NCEH1: variants seen among roughly 807,000 people sequenced by gnomAD.
NCEH1 encodes neutral cholesterol ester hydrolase 1, also known as 2-acetyl MAGE hydrolase.
In NCEH1, 9 loss-of-function variants were observed where a neutral mutation model predicts 25.4. That is an observed-to-expected ratio of 0.35 (90% CI 0.21 to 0.62). The LOEUF (loss-of-function observed/expected upper bound fraction) is 0.62, where lower values mean the gene tolerates loss of function less well. Among genes scored for constraint, NCEH1 ranks in the 20% least tolerant of loss-of-function variants. NCEH1 has a pLI of 0.72. For missense variants in NCEH1, 412 were observed against 501.1 expected (o/e 0.82, Z 1.70); for synonymous variants, 200 against 199.8 (o/e 1.00, Z -0.01).
intron 1 of NCEH1, among the ~76,000 whole-genome samples, chr3:172,705,459 T>C (rs1713919986): frequency 6.6e-6 from 1 of 152,008 alleles, no homozygotes; most frequent in Non-Finnish European, 1.5e-5. Context: ...AGGCCCTGAG[T>C]TTTGGGTTAA....
chr3:172,670,903 G>A (rs1711573874), intron 1 of NCEH1, among the ~76,000 whole-genome samples: 1 of 151,898 alleles, frequency 6.6e-6, no homozygotes, highest in South Asian at 2.1e-4. Flanking sequence ...CATTATCTTT[G>A]CTCTCCTAGA....
chr3:172,654,474 T>G, intron 1 of NCEH1, among the ~76,000 whole-genome samples: 1 of 152,242 alleles, frequency 6.6e-6, no homozygotes, highest in East Asian at 1.9e-4. Flanking sequence ...CCAATGTTTC[T>G]AGGGAAGCTG....
chr3:172,689,251 CTTT>C (rs34888694), intron 1 of NCEH1, among the ~76,000 whole-genome samples: 6 of 80,936 alleles, frequency 7.4e-5, no homozygotes, highest in Admixed American at 1.5e-4. Flanking sequence ...CTTGGAGTAA[CTTT>C]TTTTTTTTTT....
At chr3:172,680,899 C>T (rs1665096121) in intron 1 of NCEH1, 1 of 151,894 alleles carries the variant, frequency 6.6e-6, no homozygotes, top group South Asian at 2.1e-4. Flanking sequence ...TGAGAGCCTG[C>T]CTAGCTTGGT....
At chr3:172,678,972 C>T (rs1200117964) in intron 1 of NCEH1, among the ~76,000 whole-genome samples, 2 of 152,168 alleles carry the variant, frequency 1.3e-5, no homozygotes, top group African/African-American at 4.8e-5. Context: ...AAGAGTACAC[C>T]GAACAAAGGA....
intron 1 of NCEH1, among the ~76,000 whole-genome samples, chr3:172,654,900 T>C (rs750846343): frequency 6.6e-6 from 1 of 152,234 alleles, no homozygotes; most frequent in African/African-American, 2.4e-5. Context: ...TATAATCTCA[T>C]GGAACATTTA....
intron 1 of NCEH1, among the ~76,000 whole-genome samples, chr3:172,663,056 G>A (rs1031006338): frequency 3.3e-5 from 5 of 151,804 alleles, no homozygotes; most frequent in African/African-American, 7.3e-5. Flanking sequence ...GTGATGTTAG[G>A]GTGTCAATTT....
rs143702838 is a variant in NCEH1 at position 172,654,431 on chromosome 3, T to C, written c.139-6317A>G. 3.3e-5 allele frequency among the ~76,000 whole-genome samples: 5 copies of C among 152,324 alleles called. 1 individual carries two copies. Among genetic ancestry groups the C allele is most frequent in the East Asian group, 3.9e-4 (2 of 5,190 alleles). ...ATTACACCTCTGCTCCAGAAGATCA[T>C]TGCGTAAAAAAGTGAGCCCAGCGAC... On this transcript the variant is annotated intron_variant, in intron 1 of 4. Transcript: ENST00000475381.
At chr3:172,637,503 A>C (rs928788065) in intron 3 of NCEH1, among the ~76,000 whole-genome samples, 20 of 152,198 alleles carry the variant, frequency 1.3e-4, no homozygotes, top group African/African-American at 4.8e-4. Context: ...CTGTAATCCC[A>C]GCACTTTGGG....
chr3:172,692,838 T>C (rs1458350084), intron 1 of NCEH1, among the ~76,000 whole-genome samples: 1 of 152,226 alleles, frequency 6.6e-6, no homozygotes, highest in Non-Finnish European at 1.5e-5. Context: ...GGTTCAGTCA[T>C]GTAAAGATTT....
At position 172,635,982 on chromosome 3, in the gene NCEH1, A is replaced by T; in HGVS notation, c.543T>A (p.Asp181Glu). 3 of 1,614,228 alleles carry T rather than the reference A, an allele frequency of 1.9e-6. No individual in the cohort carries two copies. The highest frequency in any genetic ancestry group is 2.5e-6 in the Non-Finnish European group (3 of 1,180,034). Residue 181 changes from aspartate to glutamate, a missense_variant, in exon 4 of 5, where the codon GAT (aspartate) becomes GAA (glutamate). Coordinates refer to ENST00000475381, the MANE Select transcript of NCEH1 (RefSeq NM_020792.6). Reference protein sequence around the residue: ...KPEVLQKYMVDPGRICISGDS... With the variant: ...KPEVLQKYMVEPGRICISGDS... ...CACCAGAAATGCAAATTCTGCCTGG[A>T]TCAACCATATACTTCTGTAAGACTT...
intron 1 of NCEH1, among the ~76,000 whole-genome samples, chr3:172,698,168 G>A (rs767599960): frequency 6.6e-6 from 1 of 151,870 alleles, no homozygotes; most frequent in Non-Finnish European, 1.5e-5. Context: ...GTAGAGATGG[G>A]GTTTCACCGT....
intron 1 of NCEH1, among the ~76,000 whole-genome samples, chr3:172,706,803 C>T (rs1347969926): frequency 6.6e-6 from 1 of 151,982 alleles, no homozygotes; most frequent in Admixed American, 6.6e-5. Context: ...ACCCGACCTT[C>T]ATTCGTTTAA....
At chr3:172,638,275 CCAAAAAAAAAAAAAAAA>C (rs1173973309) in intron 3 of NCEH1, among the ~76,000 whole-genome samples, 14 of 81,934 alleles carry the variant, frequency 1.7e-4, no homozygotes, top group Admixed American at 3.5e-4. Flanking sequence ...GAGACTCTGT[CCAAAAAAAAAAAAAAAA>C]AAAAAAAAAA....
rs919083874 is a variant in NCEH1, at chr3:172,630,922, G to T, written c.*2553C>A. On this transcript the variant is annotated 3_prime_UTR_variant, in exon 5 of 5. Transcript: ENST00000475381. Reference sequence around the variant, plus strand: ...TATACTTCACTATACAGCACTTCAAGGTTTTTCTTTATATATTAATGTTTA... The same window carrying T: ...TATACTTCACTATACAGCACTTCAATGTTTTTCTTTATATATTAATGTTTA... 3 of 149,968 alleles carry T rather than the reference G, an allele frequency of 2.0e-5. No homozygotes were observed. The highest frequency in any genetic ancestry group is 7.4e-5 in the African/African-American group (3 of 40,802). 9.3% of individuals were successfully genotyped at this position (149,968 alleles called of 1,614,324 possible). A position where few individuals can be genotyped will look rare whatever the true frequency, so the allele number is the denominator to read the frequency against.
In NCEH1 at chr3:172,633,411, A is replaced by G; in HGVS notation, c.*64T>C. ...GAAGAATTAGTCAACTAAAAAGTGCATGTCTTTCCAAAGCAGGTGTAGGAG... is the reference window on the plus strand; with the variant it reads ...GAAGAATTAGTCAACTAAAAAGTGCGTGTCTTTCCAAAGCAGGTGTAGGAG... On this transcript the variant is annotated 3_prime_UTR_variant, in exon 5 of 5. Coordinates refer to ENST00000475381, the MANE Select transcript of NCEH1 (RefSeq NM_020792.6). 6.7e-7 allele frequency: 1 copy of G among 1,482,908 alleles called. No individual in the cohort carries two copies. 91.9% of individuals were successfully genotyped at this position (1,482,908 alleles called of 1,614,324 possible). A position where few individuals can be genotyped will look rare whatever the true frequency, so the allele number is the denominator to read the frequency against.
chr3:172,651,778 C>G (rs560282750), intron 1 of NCEH1, among the ~76,000 whole-genome samples: 1 of 152,052 alleles, frequency 6.6e-6, no homozygotes, highest in African/African-American at 2.4e-5. Flanking sequence ...AGGCTGTTTT[C>G]GAACTCCTGG....
Position 172,633,496 on chromosome 3 carries a change from C to T in NCEH1, c.1206G>A (p.Lys402=). 1.2e-6 allele frequency: 2 copies of T among 1,613,996 alleles called. No individual in the cohort carries two copies. The highest frequency in any genetic ancestry group is 1.7e-6 in the Non-Finnish European group (2 of 1,179,956). The change falls in exon 5 of 5, where the codon AAG becomes AAA. Residue 402 remains lysine, a synonymous_variant. Transcript: ENST00000475381. ...TCCTTTACAGGTTTTGATCTAGCCA[C>T]TTGATGTAACTATTCCTAGTCCGGA... ...VGIRTRNSYI[K]WLDQNL
chr3:172,695,129 T>C (rs1375836317), intron 1 of NCEH1, among the ~76,000 whole-genome samples: 1 of 152,200 alleles, frequency 6.6e-6, no homozygotes, highest in Non-Finnish European at 1.5e-5. Flanking sequence ...AGTCATCTTT[T>C]CCATACTCAT....
Sources: gnomAD v4.1 joint callset for allele counts (sites outside exome capture counted in the v4.1 genomes callset) on GRCh38, gnomAD v4.1.1 for gene constraint, MANE v1.5 for transcripts, NCBI Gene and HGNC (gene_info 2026-07-23, HGNC 2026-07-21) for gene names.